The following RALYL variants were observed in gnomAD, a reference collection of about 807,000 sequenced individuals.
The protein encoded by RALYL is RNA-binding Raly-like protein.
A neutral mutation model predicts 35.1 loss-of-function variants in RALYL; 29 were observed. That is an observed-to-expected ratio of 0.83 (90% CI 0.61 to 1.13). The LOEUF (loss-of-function observed/expected upper bound fraction) is 1.13. RALYL is among the 50% of genes most tolerant of loss of function. The pLI, the probability that RALYL is intolerant of heterozygous loss-of-function variation, is 0.00. For synonymous variants in RALYL, 120 were observed against 127.6 expected (o/e 0.94, Z 0.40); for missense variants, 359 against 360.4 (o/e 1.00, Z 0.03).
At chr8:84,318,692 AAG>A (rs1251488432) in intron 1 of RALYL, among the ~76,000 whole-genome samples, 3 of 152,186 alleles carry the variant, frequency 2.0e-5, no homozygotes, top group Non-Finnish European at 4.4e-5. Context: ...AGGCCTGTAC[AAG>A]AGTCTCAAAA....
chr8:84,655,120 G>T (rs989604983), intron 2 of RALYL, among the ~76,000 whole-genome samples: 15 of 151,912 alleles, frequency 9.9e-5, no homozygotes, highest in Admixed American at 9.2e-4. Context: ...CCTAGCTTTT[G>T]GGTAAAAGTC....
At chr8:84,253,496 G>A (rs1479603378) in intron 1 of RALYL, among the ~76,000 whole-genome samples, 2 of 151,572 alleles carry the variant, frequency 1.3e-5, no homozygotes, top group Non-Finnish European at 2.9e-5. Context: ...CACTGCACCT[G>A]GCCCTGTAGT....
At position 84,238,024 on chromosome 8, in the gene RALYL, CTAAA is replaced by C. The variant is rs1026064631; in HGVS notation, c.-24+53601_-24+53604del. Among the ~76,000 whole-genome samples the C allele has an allele frequency of 8.1e-4, 118 of 146,006 alleles. 2 individuals are homozygous for C. The South Asian group carries it at 0.024, about 30-fold the overall frequency. Reference sequence around the variant, plus strand: ...AAAACAAAACAAAAGAAAAAAAACACTAAAAAATTTAAAAACATAAAATGTGAAT... The same window carrying C: ...AAAACAAAACAAAAGAAAAAAAACACAAATTTAAAAACATAAAATGTGAAT... On this transcript the variant is annotated intron_variant, in intron 1 of 8. Coordinates refer to ENST00000521268, the MANE Select transcript of RALYL (RefSeq NM_173848.7).
chr8:84,302,113 T>TATAAGGG (rs1840912515), intron 1 of RALYL, among the ~76,000 whole-genome samples: 1 of 152,174 alleles, frequency 6.6e-6, no homozygotes, highest in Non-Finnish European at 1.5e-5. Flanking sequence ...TATCAAAGAT[T>TATAAGGG]ATCATACAAC....
intron 2 of RALYL, among the ~76,000 whole-genome samples, chr8:84,596,115 C>T (rs748501565): frequency 1.3e-5 from 2 of 151,876 alleles, no homozygotes; most frequent in Non-Finnish European, 2.9e-5. Context: ...ACCTAAGTCA[C>T]AATTCTGTTT....
chr8:84,728,866 T>C (rs1443349260), intron 2 of RALYL, among the ~76,000 whole-genome samples: 1 of 152,210 alleles, frequency 6.6e-6, no homozygotes, highest in Admixed American at 6.5e-5. Flanking sequence ...CATGCTGTTT[T>C]GGTTACTGTA....
At chr8:84,273,607 A>C (rs1057428969) in intron 1 of RALYL, among the ~76,000 whole-genome samples, 4 of 152,308 alleles carry the variant, frequency 2.6e-5, no homozygotes, top group South Asian at 2.1e-4. Flanking sequence ...GGATGCGTAC[A>C]TGTCTGTCTT....
chr8:84,207,820 G>GTGTATA (rs371410483), intron 1 of RALYL, among the ~76,000 whole-genome samples: 1 of 146,038 alleles, frequency 6.8e-6, no homozygotes, highest in African/African-American at 2.5e-5. Context: ...GTGTGTGTGT[G>GTGTATA]TATATATATA....
Position 84,674,104 on chromosome 8 carries a change from G to A in RALYL, c.257-100475G>A, listed in dbSNP as rs574566803. ...AGATCTTTCACTTTCCTAATTAGCT[G>A]TATTCCTAAGTATTTTATCCTTTTT... On this transcript the variant is annotated intron_variant, in intron 2 of 8. Transcript: ENST00000521268. Among the ~76,000 whole-genome samples the A allele has an allele frequency of 7.9e-5, 12 of 152,166 alleles. No homozygotes were observed. The South Asian group carries it at 2.5e-3, about 32-fold the overall frequency.
chr8:84,226,346 T>C (rs1255551813), intron 1 of RALYL, among the ~76,000 whole-genome samples: 1 of 152,144 alleles, frequency 6.6e-6, no homozygotes, highest in African/African-American at 2.4e-5. Flanking sequence ...CCAAAAAGGT[T>C]GGAGATCGCT....
At position 84,629,054 on chromosome 8, in the gene RALYL, G is replaced by A. The variant is rs1417033643; in HGVS notation, c.256+99477G>A. ...TAATTACACCTAGAACCTTGACTCA[G>A]GATTATAATACACTGGAAGTGGCTA... is the stretch of plus-strand genomic sequence containing the variant. On this transcript the variant is annotated intron_variant, in intron 2 of 8. Coordinates refer to ENST00000521268, the MANE Select transcript of RALYL (RefSeq NM_173848.7). Among the ~76,000 whole-genome samples, 19 of 151,932 alleles carry A rather than the reference G, an allele frequency of 1.3e-4. 1 individual carries two copies. The highest frequency in any genetic ancestry group is 1.2e-3 in the Admixed American group (19 of 15,250).
At chr8:84,387,839 T>G (rs1377327564) in intron 1 of RALYL, among the ~76,000 whole-genome samples, 1 of 151,372 alleles carries the variant, frequency 6.6e-6, no homozygotes, top group Non-Finnish European at 1.5e-5. Context: ...TAGCTACATT[T>G]TATTTTTAAA....
At chr8:84,769,689 AG>A (rs1814960370) in intron 2 of RALYL, among the ~76,000 whole-genome samples, 1 of 152,134 alleles carries the variant, frequency 6.6e-6, no homozygotes, top group Non-Finnish European at 1.5e-5. Context: ...TGAACCCAGG[AG>A]GCAGAAGTTG....
chr8:84,388,712 G>T (rs902816139), intron 1 of RALYL, among the ~76,000 whole-genome samples: 1 of 151,856 alleles, frequency 6.6e-6, no homozygotes, highest in Non-Finnish European at 1.5e-5. Flanking sequence ...TTGTAAATTT[G>T]TTTGAGTTCA....
chr8:84,557,603 G>C (rs909954821), intron 2 of RALYL, among the ~76,000 whole-genome samples: 8 of 152,258 alleles, frequency 5.3e-5, no homozygotes, highest in Admixed American at 5.2e-4. Flanking sequence ...TGCATAATCT[G>C]ACTCATACTT....
chr8:84,551,624 C>T (rs530527231), intron 2 of RALYL, among the ~76,000 whole-genome samples: 42 of 152,024 alleles, frequency 2.8e-4, no homozygotes, highest in Non-Finnish European at 4.9e-4. Context: ...GAAAGAGAGT[C>T]AGAAGTGGAT....
intron 1 of RALYL, among the ~76,000 whole-genome samples, chr8:84,377,493 A>C (rs1857176866): frequency 1.0e-5 from 1 of 96,976 alleles, no homozygotes; most frequent in Admixed American, 1.2e-4. Flanking sequence ...TGATCCCATG[A>C]GATCAGTTTT....
At chr8:84,641,799 A>C (rs1826387451) in intron 2 of RALYL, among the ~76,000 whole-genome samples, 1 of 151,310 alleles carries the variant, frequency 6.6e-6, no homozygotes, top group East Asian at 1.9e-4. Context: ...AAAAAAAAAA[A>C]AAAAAAAAAC....
intron 1 of RALYL, among the ~76,000 whole-genome samples, chr8:84,239,886 A>G (rs1481928425): frequency 6.6e-6 from 1 of 152,074 alleles, no homozygotes; most frequent in Non-Finnish European, 1.5e-5. Context: ...GTGAGACTCC[A>G]TCTCAAATAA....
Sources: gnomAD v4.1 joint callset for allele counts (sites outside exome capture counted in the v4.1 genomes callset) on GRCh38, gnomAD v4.1.1 for gene constraint, MANE v1.5 for transcripts, NCBI Gene and HGNC (gene_info 2026-07-23, HGNC 2026-07-21) for gene names.